The following ERICH1 variants were observed in gnomAD, a reference collection of about 807,000 sequenced individuals.
ERICH1 encodes glutamate-rich protein 1.
ERICH1 carries 56 observed loss-of-function variants against 39.6 expected under a neutral mutation model. That is an observed-to-expected ratio of 1.41 (90% CI 1.14 to 1.77). The LOEUF is 1.77. Among genes scored for constraint, ERICH1 ranks in the 40% most tolerant of loss-of-function variants. The pLI is 0.00. For missense variants in ERICH1, 826 were observed against 575.4 expected (o/e 1.44, Z -4.45); for synonymous variants, 313 against 223.6 (o/e 1.40, Z -3.57).
At chr8:689,631 C>T (rs1397176738) in intron 3 of ERICH1, among the ~76,000 whole-genome samples, 1 of 152,190 alleles carries the variant, frequency 6.6e-6, no homozygotes, top group Non-Finnish European at 1.5e-5. Context: ...GTTGGGGGCA[C>T]TGCGGACATT....
At chr8:710,765 T>C (rs1814551333) in intron 2 of ERICH1, among the ~76,000 whole-genome samples, 1 of 152,260 alleles carries the variant, frequency 6.6e-6, no homozygotes, top group South Asian at 2.1e-4. Context: ...AATTTGCTTA[T>C]TCATTCACTT....
chr8:689,310 C>G (rs970064962), intron 3 of ERICH1, among the ~76,000 whole-genome samples: 14 of 152,222 alleles, frequency 9.2e-5, no homozygotes, highest in African/African-American at 3.4e-4. Context: ...AGGGTTTCGC[C>G]ATGTTGGCCA....
At chr8:665,582 A>G (rs1222387724) in intron 5 of ERICH1, among the ~76,000 whole-genome samples, 3 of 152,218 alleles carry the variant, frequency 2.0e-5, no homozygotes, top group African/African-American at 7.2e-5. Context: ...ATAAAAATCT[A>G]ATTCCCATAC....
intron 2 of ERICH1, among the ~76,000 whole-genome samples, chr8:706,074 T>C (rs1372265924): frequency 3.9e-5 from 6 of 152,216 alleles, no homozygotes; most frequent in Admixed American, 1.3e-4. Flanking sequence ...CATGTACTGA[T>C]TGGGCGAGCA....
intron 2 of ERICH1, 62 bp downstream of exon 2, chr8:715,799 G>C (rs1204665708): frequency 4.8e-5 from 75 of 1,556,162 alleles, no homozygotes; most frequent in Non-Finnish European, 6.3e-5. Flanking sequence ...TCCAAGGCAA[G>C]TGATGATGAC....
rs373128202 is a variant in ERICH1, at chr8:695,955, A to G, written c.170-3343T>C. On this transcript the variant is annotated intron_variant, in intron 2 of 5. Coordinates refer to ENST00000262109, the MANE Select transcript of ERICH1 (RefSeq NM_207332.3). The stretch of plus-strand genomic sequence containing the variant: ...CTCTCCTTCCTCCCCATCAGCCTGC[A>G]CTCGCTCCTCTCACCCTCCACTCCT... Among the ~76,000 whole-genome samples, 79 of 15,778 alleles carry G rather than the reference A, an allele frequency of 5.0e-3. 6 individuals are homozygous for G. The East Asian group carries it at 0.071, about 14-fold the overall frequency. The allele number at this position is 15,778 out of a possible 152,430, so 10.4% of individuals were successfully genotyped here. A position where few individuals can be genotyped will look rare whatever the true frequency, so the allele number is the denominator to read the frequency against.
At position 673,514 on chromosome 8, in the gene ERICH1, C is replaced by G. The variant is rs1361153387; in HGVS notation, c.838G>C (p.Glu280Gln). The G allele has an allele frequency of 6.2e-7, 1 of 1,613,150 alleles. No homozygotes were observed. Among genetic ancestry groups the G allele is most frequent in the Non-Finnish European group, 8.5e-7 (1 of 1,179,778 alleles). Residue 280 changes from glutamate to glutamine, a missense_variant, in exon 4 of 6, where the codon GAA becomes CAA. Transcript: ENST00000262109. ...REEDGVDTIE[E>Q]DLTRAGEEDG... ...TCCTCCCCGGCCCGTGTCAGGTCTT[C>G]CTCAATGGTGTCCACACCGTCCTCC...
chr8:659,893 G>C (rs187582482), downstream of ERICH1, among the ~76,000 whole-genome samples: 68 of 151,926 alleles, frequency 4.5e-4, no homozygotes, highest in Admixed American at 1.4e-3. Context: ...CCTGGGGAGG[G>C]GGTGACCATC....
rs763992167 is a variant in ERICH1, at chr8:673,960, A to G, written c.392T>C (p.Ile131Thr). 1.4e-5 allele frequency: 22 copies of G among 1,603,992 alleles called. No individual in the cohort carries two copies. In the Admixed American group the frequency reaches 1.4e-4, roughly 10 times the overall value. The part of the protein sequence containing the change: ...KKFKNPNNVL[I>T]EQAELEKQQS... ...CTGTTTCTCTAATTCTGCTTGTTCT[A>G]TAAGAACATTATTGGGATTTTTAAA... Residue 131 changes from isoleucine (I) to threonine (T), a missense_variant, in exon 4 of 6, where the codon ATA (isoleucine) becomes ACA (threonine). By Grantham distance (89) the Ile-to-Thr change is moderately conservative (BLOSUM62 -1). Coordinates refer to ENST00000262109, the MANE Select transcript of ERICH1 (RefSeq NM_207332.3).
chr8:693,261 GACAC>G (rs914019878), intron 2 of ERICH1, among the ~76,000 whole-genome samples: 32 of 152,088 alleles, frequency 2.1e-4, no homozygotes, highest in African/African-American at 7.2e-4. Flanking sequence ...AGCACACACA[GACAC>G]ACATACATCT....
chr8:687,993 G>A (rs1807880499), intron 3 of ERICH1, among the ~76,000 whole-genome samples: 1 of 152,112 alleles, frequency 6.6e-6, no homozygotes, highest in African/African-American at 2.4e-5. Flanking sequence ...CCCGGGTCCC[G>A]AGCCCCGACC....
At chr8:671,624 C>T (rs1041222271) in intron 4 of ERICH1, among the ~76,000 whole-genome samples, 3 of 151,092 alleles carry the variant, frequency 2.0e-5, no homozygotes, top group Non-Finnish European at 2.9e-5. Flanking sequence ...GACCACTGAG[C>T]GCACTGGTCC....
At chr8:671,393 T>C (rs1803346642) in intron 4 of ERICH1, among the ~76,000 whole-genome samples, 1 of 138,816 alleles carries the variant, frequency 7.2e-6, no homozygotes, top group Non-Finnish European at 1.5e-5. Flanking sequence ...ATGTCTGTGC[T>C]CACTGGGCTC....
chr8:631,360 G>A (rs544039385), intron 3 of ERICH1, among the ~76,000 whole-genome samples: 1 of 152,368 alleles, frequency 6.6e-6, no homozygotes, highest in South Asian at 2.1e-4. Flanking sequence ...TCAGCTGCCA[G>A]AGGGAAGACA....
intron 3 of ERICH1, among the ~76,000 whole-genome samples, chr8:647,884 C>T (rs188939250): frequency 0.01 from 684 of 67,518 alleles, 251 homozygotes; most frequent in African/African-American, 0.021. Flanking sequence ...CTATTGCTGC[C>T]GGACGGTCTC....
intron 1 of ERICH1, among the ~76,000 whole-genome samples, chr8:726,759 AC>A (rs1818810497): frequency 6.6e-6 from 1 of 152,078 alleles, no homozygotes; most frequent in East Asian, 1.9e-4. Context: ...CGCACACCAC[AC>A]ACAGACACAT....
At chr8:703,700 C>T (rs184835963) in intron 2 of ERICH1, among the ~76,000 whole-genome samples, 6 of 152,230 alleles carry the variant, frequency 3.9e-5, no homozygotes, top group African/African-American at 1.2e-4. Context: ...AGGGTGCAGC[C>T]GGAAGGGTGG....
chr8:635,427 G>A (rs940457977), intron 3 of ERICH1, among the ~76,000 whole-genome samples: 13 of 152,186 alleles, frequency 8.5e-5, no homozygotes, highest in Admixed American at 7.8e-4. Context: ...AATAGTGACA[G>A]CTAAGGCTGG....
At chr8:687,440 A>G (rs556157799) in intron 3 of ERICH1, among the ~76,000 whole-genome samples, 57 of 152,390 alleles carry the variant, frequency 3.7e-4, no homozygotes, top group African/African-American at 1.2e-3. Context: ...AAGCTTTGCA[A>G]TAAGCCCAGA....
Sources: allele counts gnomAD v4.1 joint callset (sites outside exome capture counted in the v4.1 genomes callset), GRCh38; gene constraint gnomAD v4.1.1; transcripts MANE v1.5; gene names NCBI Gene and HGNC (gene_info 2026-07-23, HGNC 2026-07-21).